PRKN: variants seen among roughly 807,000 people sequenced by gnomAD.
The protein encoded by PRKN is E3 ubiquitin-protein ligase parkin.
PRKN carries 56 observed loss-of-function variants against 59.5 expected under a neutral mutation model. The ratio of observed to expected loss-of-function variants is 0.94; its 90% CI spans 0.76 to 1.18. The LOEUF (loss-of-function observed/expected upper bound fraction) is 1.18. PRKN is among the 50% of genes most tolerant of loss of function. The pLI, the probability that PRKN is intolerant of heterozygous loss-of-function variation, is 0.00. For missense variants in PRKN, 657 were observed against 596.4 expected (o/e 1.10, Z -1.06); for synonymous variants, 250 against 222.1 (o/e 1.13, Z -1.12).
intron 5 of PRKN, among the ~76,000 whole-genome samples, chr6:162,024,456 C>A (rs908673858): frequency 6.6e-6 from 1 of 152,176 alleles, no homozygotes; most frequent in Non-Finnish European, 1.5e-5. Flanking sequence ...CTCGGCCTCT[C>A]AAAGTGCTGG....
intron 5 of PRKN, among the ~76,000 whole-genome samples, chr6:162,009,772 C>T (rs1410975468): frequency 6.6e-6 from 1 of 151,428 alleles, no homozygotes; most frequent in African/African-American, 2.4e-5. Flanking sequence ...CCCATCTCTA[C>T]TAAAAATACA....
At chr6:162,051,565 G>A (rs1400088765) in intron 5 of PRKN, among the ~76,000 whole-genome samples, 1 of 152,150 alleles carries the variant, frequency 6.6e-6, no homozygotes, top group African/African-American at 2.4e-5. Flanking sequence ...TGTGAGAAAG[G>A]CTTCGGTCAT....
chr6:161,352,755 G>GTGTGTGTA lies in PRKN; in HGVS notation c.1286-2545_1286-2544insTACACACA, dbSNP rs766949960. On this transcript the variant is annotated intron_variant, in intron 11 of 11. Coordinates refer to ENST00000366898, the MANE Select transcript of PRKN (RefSeq NM_004562.3). The surrounding 1 kb of genome is among the most constrained non-coding windows in gnomAD (Gnocchi z 5.8). ...TGTGTGTGTGTGTGTGTGTGTGTGT[G>GTGTGTGTA]TATATATATATATATATTTTATTTT... 1.3e-4 allele frequency among the ~76,000 whole-genome samples: 17 copies of GTGTGTGTA among 134,366 alleles called. No individual in the cohort carries two copies. The highest frequency in any genetic ancestry group is 2.2e-4 in the Admixed American group (3 of 13,530). 88.1% of individuals were successfully genotyped at this position (134,366 alleles called of 152,430 possible). A position where few individuals can be genotyped will look rare whatever the true frequency, so the allele number is the denominator to read the frequency against.
At chr6:162,531,824 G>A (rs1250281788) in intron 1 of PRKN, among the ~76,000 whole-genome samples, 1 of 151,588 alleles carries the variant, frequency 6.6e-6, no homozygotes, top group Non-Finnish European at 1.5e-5. Flanking sequence ...TTGATAAACT[G>A]TCTAAGTCAT....
intron 6 of PRKN, among the ~76,000 whole-genome samples, chr6:161,915,880 C>G (rs1778536776): frequency 6.6e-6 from 1 of 152,124 alleles, no homozygotes; most frequent in Non-Finnish European, 1.5e-5. Context: ...AAGAGAGGGT[C>G]CCCATCAAAC....
At chr6:162,168,057 TA>T (rs1421256475) in intron 4 of PRKN, among the ~76,000 whole-genome samples, 1 of 152,186 alleles carries the variant, frequency 6.6e-6, no homozygotes, top group African/African-American at 2.4e-5. Flanking sequence ...GCTCAAAGGT[TA>T]GGGGCAATCT....
At chr6:161,555,183 T>C (rs1175399736) in intron 8 of PRKN, among the ~76,000 whole-genome samples, 1 of 152,196 alleles carries the variant, frequency 6.6e-6, no homozygotes, top group Non-Finnish European at 1.5e-5. Flanking sequence ...TCACTTTTCA[T>C]TTTCTATTTC....
chr6:161,820,039 T>C (rs1357081738), intron 6 of PRKN, among the ~76,000 whole-genome samples: 1 of 152,146 alleles, frequency 6.6e-6, no homozygotes, highest in African/African-American at 2.4e-5. Flanking sequence ...CATGCTATTA[T>C]CAAGCCACAG....
At chr6:162,532,117 A>T (rs561190549) in intron 1 of PRKN, among the ~76,000 whole-genome samples, 1 of 79,578 alleles carries the variant, frequency 1.3e-5, no homozygotes, top group East Asian at 2.0e-4. Flanking sequence ...CAAATGGAAG[A>T]AGTTTCCCCT....
At chr6:161,914,648 A>T (rs1274033169) in intron 6 of PRKN, among the ~76,000 whole-genome samples, 1 of 151,860 alleles carries the variant, frequency 6.6e-6, no homozygotes, top group Non-Finnish European at 1.5e-5. Flanking sequence ...TGTTGATCTT[A>T]ATCTACACTT....
chr6:161,801,451 G>A (rs1446039163), intron 6 of PRKN, among the ~76,000 whole-genome samples: 1 of 152,218 alleles, frequency 6.6e-6, no homozygotes, highest in Non-Finnish European at 1.5e-5. Flanking sequence ...CATGGGAGCG[G>A]GTGGGGCCAC....
intron 7 of PRKN, among the ~76,000 whole-genome samples, chr6:161,643,531 C>T (rs576416830): frequency 6.6e-6 from 1 of 152,192 alleles, no homozygotes; most frequent in African/African-American, 2.4e-5. Flanking sequence ...CATCTTTAAC[C>T]AAAAAGTTAA....
chr6:162,082,872 CAT>C (rs1779112104), intron 4 of PRKN, among the ~76,000 whole-genome samples: 1 of 152,064 alleles, frequency 6.6e-6, no homozygotes, highest in Non-Finnish European at 1.5e-5. Context: ...TTTACCATCT[CAT>C]ATGGGTGTGG....
At chr6:161,760,320 C>T (rs1789141248) in intron 7 of PRKN, among the ~76,000 whole-genome samples, 1 of 140,058 alleles carries the variant, frequency 7.1e-6, no homozygotes, top group Admixed American at 7.1e-5. Flanking sequence ...CGGGTATCTG[C>T]GTCCTGGAAT....
At chr6:161,852,609 C>T (rs1376780509) in intron 6 of PRKN, among the ~76,000 whole-genome samples, 4 of 152,034 alleles carry the variant, frequency 2.6e-5, no homozygotes, top group Admixed American at 2.6e-4. Flanking sequence ...GCAACAAGAC[C>T]AATGATCTGC....
Position 161,417,312 on chromosome 6 carries a change from T to A in PRKN, c.1084-30435A>T, listed in dbSNP as rs757014438. Among the ~76,000 whole-genome samples the A allele has an allele frequency of 1.3e-5, 2 of 151,954 alleles. No homozygotes were observed. Among genetic ancestry groups the A allele is most frequent in the Non-Finnish European group, 2.9e-5 (2 of 67,996 alleles). ...TAAAAATACAAAAATTAGCCGGGTG[T>A]GGTGGCGCCTGCCTGTAGTCGCAGC... On this transcript the variant is annotated intron_variant, in intron 9 of 11. Coordinates refer to ENST00000366898, the MANE Select transcript of PRKN (RefSeq NM_004562.3). The surrounding 1 kb of genome is among the most constrained non-coding windows in gnomAD (Gnocchi z 5.4).
intron 1 of PRKN, among the ~76,000 whole-genome samples, chr6:162,606,082 C>G (rs1435390228): frequency 1.3e-5 from 2 of 152,052 alleles, no homozygotes; most frequent in Non-Finnish European, 2.9e-5. Flanking sequence ...ATCAATGTGC[C>G]TACAATGAAC....
intron 1 of PRKN, among the ~76,000 whole-genome samples, chr6:162,521,579 T>C (rs2128193632): frequency 6.6e-6 from 1 of 152,278 alleles, no homozygotes; most frequent in Middle Eastern, 3.4e-3. Context: ...AAAACTCAGT[T>C]TGTTGGAAAA....
At chr6:161,853,633 C>T (rs73785449) in intron 6 of PRKN, among the ~76,000 whole-genome samples, 80 of 152,292 alleles carry the variant, frequency 5.3e-4, no homozygotes, top group African/African-American at 1.9e-3. Flanking sequence ...AAAATTACTT[C>T]GACTTTTTCT....
Sources: allele counts gnomAD v4.1 joint callset (sites outside exome capture counted in the v4.1 genomes callset), GRCh38; gene constraint gnomAD v4.1.1; non-coding constraint Gnocchi (gnomAD v3.1); transcripts MANE v1.5; gene names NCBI Gene and HGNC (gene_info 2026-07-23, HGNC 2026-07-21).